FRMPD1: variants seen among roughly 807,000 people sequenced by gnomAD.
FRMPD1 encodes FERM and PDZ domain-containing protein 1.
In FRMPD1, 76 loss-of-function variants were observed where a neutral mutation model predicts 117.8. The ratio of observed to expected loss-of-function variants is 0.65; its 90% CI spans 0.54 to 0.78. The LOEUF (loss-of-function observed/expected upper bound fraction) is 0.78. Among genes scored for constraint, FRMPD1 ranks in the 30% least tolerant of loss-of-function variants. FRMPD1 has a pLI of 0.00. For synonymous variants in FRMPD1, 783 were observed against 770.4 expected (o/e 1.02, Z -0.27); for missense variants, 1,786 against 1,964.5 (o/e 0.91, Z 1.72).
intron 1 of FRMPD1, 66 bp downstream of exon 1, chr9:37,651,160 C>T: frequency 6.5e-6 from 1 of 153,042 alleles, no homozygotes; most frequent in Non-Finnish European, 1.5e-5. Flanking sequence ...CCCGGGCCTG[C>T]GCCTCGGCTT....
the FRMPD1 span, among the ~76,000 whole-genome samples, chr9:37,636,485 T>C: frequency 6.6e-6 from 1 of 152,078 alleles, no homozygotes; most frequent in East Asian, 1.9e-4. Context: ...TGGCCACAGG[T>C]CCTGAGTGTC....
rs1381428125 is a variant in FRMPD1 at position 37,711,351 on chromosome 9, G to T, written c.364G>T (p.Glu122Ter). The change falls in exon 5 of 16, where the codon GAA becomes TAA. Residue 122 changes from glutamate (E) to a stop codon, truncating the protein, a stop_gained and splice_region_variant. Transcript: ENST00000377765. LOFTEE classifies it high-confidence loss of function. ...SWERAVDILR[E>*]AEDSLSITVV... The stretch of plus-strand genomic sequence containing the variant: ...TGTCTTTATTCTTTCTTTTTTCAGG[G>T]AAGCAGAAGATTCTCTTTCAATCAC... 6.2e-7 allele frequency: 1 copy of T among 1,605,024 alleles called. No individual in the cohort carries two copies. The highest frequency in any genetic ancestry group is 8.5e-7 in the Non-Finnish European group (1 of 1,171,752).
chr9:37,741,450 GACACACACACACACACAC>G (rs56971939), intron 15 of FRMPD1, among the ~76,000 whole-genome samples: 20,423 of 135,692 alleles, frequency 0.15, 1,559 homozygotes, highest in South Asian at 0.25. Flanking sequence ...ATCCTGGCAG[GACACACACACACACACAC>G]ACACACACAC....
At chr9:37,698,549 C>CTTTTTTTTTTTTT (rs531498194) in intron 2 of FRMPD1, among the ~76,000 whole-genome samples, 1 of 74,594 alleles carries the variant, frequency 1.3e-5, no homozygotes, top group African/African-American at 6.7e-5. Flanking sequence ...ATCTCATTAT[C>CTTTTTTTTTTTTT]TTTTTTTTTT....
At chr9:37,606,361 T>C in the FRMPD1 span, among the ~76,000 whole-genome samples, 1 of 152,234 alleles carries the variant, frequency 6.6e-6, no homozygotes, top group Non-Finnish European at 1.5e-5. Flanking sequence ...TATTTGGTGA[T>C]GAAAGTGATG....
At chr9:37,673,077 A>G (rs1393090068) in intron 1 of FRMPD1, among the ~76,000 whole-genome samples, 2 of 152,208 alleles carry the variant, frequency 1.3e-5, no homozygotes, top group Non-Finnish European at 2.9e-5. Context: ...TCATTTCAAC[A>G]TTAACCCAGA....
the FRMPD1 span, among the ~76,000 whole-genome samples, chr9:37,605,387 A>G: frequency 1.3e-5 from 2 of 152,182 alleles, no homozygotes; most frequent in African/African-American, 4.8e-5. Flanking sequence ...TACTGCATTG[A>G]AAGGGGTAGG....
At chr9:37,678,934 C>T (rs988304084) in intron 1 of FRMPD1, among the ~76,000 whole-genome samples, 1 of 152,208 alleles carries the variant, frequency 6.6e-6, no homozygotes, top group African/African-American at 2.4e-5. Context: ...TACTCAGGCC[C>T]TGTGGTCCTC....
At chr9:37,647,443 AG>A (rs1466453609), upstream of FRMPD1, among the ~76,000 whole-genome samples, 1 of 148,292 alleles carries the variant, frequency 6.7e-6, no homozygotes, top group African/African-American at 2.5e-5. Context: ...ACCCAGGAGG[AG>A]GAGCTTGCAG....
the FRMPD1 span, among the ~76,000 whole-genome samples, chr9:37,625,877 A>T: frequency 6.6e-6 from 1 of 152,226 alleles, no homozygotes; most frequent in Non-Finnish European, 1.5e-5. Context: ...AGCGCCTCAC[A>T]AGGAGAGGTT....
At chr9:37,679,904 G>A (rs535158849) in intron 1 of FRMPD1, among the ~76,000 whole-genome samples, 5 of 152,350 alleles carry the variant, frequency 3.3e-5, no homozygotes, top group Admixed American at 3.3e-4. Flanking sequence ...AGGGTAAGCA[G>A]TAAGACAGAC....
intron 5 of FRMPD1, among the ~76,000 whole-genome samples, chr9:37,717,331 ATGTGTATATATG>A (rs1405494712): frequency 8.3e-5 from 9 of 108,552 alleles, no homozygotes; most frequent in Non-Finnish European, 1.4e-4. Context: ...GTGTGTGTGT[ATGTGTATATATG>A]TGTGTGTGTG....
chr9:37,604,155 T>C, the FRMPD1 span, among the ~76,000 whole-genome samples: 1 of 152,166 alleles, frequency 6.6e-6, no homozygotes, highest in South Asian at 2.1e-4. Flanking sequence ...GGCTATGAAC[T>C]ATAAAATCAT....
chr9:37,640,382 G>A, the FRMPD1 span, among the ~76,000 whole-genome samples: 1 of 152,222 alleles, frequency 6.6e-6, no homozygotes, highest in African/African-American at 2.4e-5. Context: ...TGTTCCCCAA[G>A]TGACCATTCT....
At chr9:37,678,251 CTTTTTTTTTT>C (rs34040451) in intron 1 of FRMPD1, among the ~76,000 whole-genome samples, 7 of 79,844 alleles carry the variant, frequency 8.8e-5, no homozygotes, top group African/African-American at 2.1e-4. Flanking sequence ...GTACTTACCA[CTTTTTTTTTT>C]TTTTTTTTTT....
the FRMPD1 span, among the ~76,000 whole-genome samples, chr9:37,634,040 C>G: frequency 4.9e-3 from 745 of 152,292 alleles, 4 homozygotes; most frequent in African/African-American, 0.017. Context: ...TAATTATTCT[C>G]TTTTCTATTT....
At chr9:37,655,744 C>G (rs1820822865) in intron 1 of FRMPD1, among the ~76,000 whole-genome samples, 1 of 151,944 alleles carries the variant, frequency 6.6e-6, no homozygotes, top group Non-Finnish European at 1.5e-5. Context: ...ACCTTGTGAT[C>G]CACCCGCCTC....
intron 2 of FRMPD1, among the ~76,000 whole-genome samples, chr9:37,695,370 A>T (rs1006710525): frequency 1.3e-5 from 2 of 152,016 alleles, no homozygotes; most frequent in Non-Finnish European, 2.9e-5. Flanking sequence ...ATGTTGTCTC[A>T]TTGTGGTTTT....
At chr9:37,726,010 A>T (rs1823601390) in intron 7 of FRMPD1, among the ~76,000 whole-genome samples, 1 of 152,208 alleles carries the variant, frequency 6.6e-6, no homozygotes, top group African/African-American at 2.4e-5. Flanking sequence ...GGCCAAAAGG[A>T]CTTTGAGGTA....
Sources: allele counts gnomAD v4.1 joint callset (sites outside exome capture counted in the v4.1 genomes callset), GRCh38; gene constraint gnomAD v4.1.1; transcripts MANE v1.5; gene names NCBI Gene and HGNC (gene_info 2026-07-23, HGNC 2026-07-21).